HECW2: variants seen among roughly 807,000 people sequenced by gnomAD.
HECW2 encodes the protein E3 ubiquitin-protein ligase HECW2.
HECW2 carries 61 observed loss-of-function variants against 175.2 expected under a neutral mutation model. The observed-to-expected ratio is 0.35, with a 90% CI of 0.28 to 0.43. The LOEUF is 0.43. HECW2 is among the 20% of genes least tolerant of loss of function. HECW2 has a pLI of 1.00. For missense variants in HECW2, 1,524 were observed against 2,000.5 expected (o/e 0.76, Z 4.54); for synonymous variants, 671 against 731.0 (o/e 0.92, Z 1.32).
intron 2 of HECW2, among the ~76,000 whole-genome samples, chr2:196,379,879 C>T (rs1275120565): frequency 7.7e-6 from 1 of 130,580 alleles, no homozygotes. Flanking sequence ...TACTTCTCTG[C>T]ATGTATGCTA....
rs568836065 is a variant in HECW2, at chr2:196,256,242, A to G, written c.3419+1581T>C. 3.5e-4 allele frequency among the ~76,000 whole-genome samples: 54 copies of G among 152,330 alleles called. No homozygotes were observed. In the South Asian group the frequency reaches 3.9e-3, roughly 11 times the overall value. Reference sequence around the variant, plus strand: ...CATGAAAAGCCTAGAATTTAATGACATCATTTGTATACAATAATTATAGAA... The same window carrying G: ...CATGAAAAGCCTAGAATTTAATGACGTCATTTGTATACAATAATTATAGAA... On this transcript the variant is annotated intron_variant, in intron 18 of 28. Transcript: ENST00000644978.
chr2:196,438,814 G>A (rs1695955921), intron 1 of HECW2, among the ~76,000 whole-genome samples: 1 of 152,190 alleles, frequency 6.6e-6, no homozygotes, highest in Non-Finnish European at 1.5e-5. Context: ...TGAGGATGGG[G>A]AGGTTGACAA....
intron 1 of HECW2, among the ~76,000 whole-genome samples, chr2:196,492,660 T>C (rs1687241837): frequency 2.0e-5 from 3 of 152,200 alleles, no homozygotes; most frequent in African/African-American, 7.2e-5. Context: ...ACCATTGTTA[T>C]TACCAAAGTA....
chr2:196,440,750 G>T (rs1452221605), intron 1 of HECW2, among the ~76,000 whole-genome samples: 1 of 152,140 alleles, frequency 6.6e-6, no homozygotes, highest in Non-Finnish European at 1.5e-5. Context: ...AAAGGCGACG[G>T]CAAGGGAAGC....
chr2:196,531,415 TGGGA>T (rs1303492084), intron 1 of HECW2, among the ~76,000 whole-genome samples: 4 of 152,170 alleles, frequency 2.6e-5, no homozygotes, highest in Non-Finnish European at 4.4e-5. Flanking sequence ...CCCAACACTT[TGGGA>T]GGCTGAAGTG....
intron 1 of HECW2, among the ~76,000 whole-genome samples, chr2:196,438,826 T>C (rs1695956314): frequency 2.6e-5 from 4 of 152,190 alleles, no homozygotes; most frequent in Admixed American, 2.6e-4. Flanking sequence ...GGTTGACAAG[T>C]ATCAGAAACT....
At chr2:196,471,008 T>C (rs1226217266) in intron 1 of HECW2, among the ~76,000 whole-genome samples, 8 of 147,398 alleles carry the variant, frequency 5.4e-5, no homozygotes, top group Non-Finnish European at 7.4e-5. Context: ...ATCCACCAAA[T>C]TGGCAAAAAA....
intron 1 of HECW2, among the ~76,000 whole-genome samples, chr2:196,531,114 T>C (rs1226867315): frequency 6.6e-6 from 1 of 152,200 alleles, no homozygotes; most frequent in Non-Finnish European, 1.5e-5. Context: ...CGCACTGTGG[T>C]TCATTAATTA....
intron 2 of HECW2, among the ~76,000 whole-genome samples, chr2:196,372,628 T>C (rs553376283): frequency 7.0e-4 from 106 of 152,286 alleles, no homozygotes; most frequent in Middle Eastern, 3.4e-3. Context: ...AGAATAAAAA[T>C]GAGGATTTTT....
Position 196,216,245 on chromosome 2 carries a change from G to T in HECW2, c.4495-268C>A, listed in dbSNP as rs984618144. 2.6e-5 allele frequency among the ~76,000 whole-genome samples: 4 copies of T among 152,344 alleles called. No homozygotes were observed. In the East Asian group the frequency reaches 7.7e-4, roughly 29 times the overall value. On this transcript the variant is annotated intron_variant, in intron 27 of 28. Coordinates refer to ENST00000644978, the MANE Select transcript of HECW2 (RefSeq NM_001348768.2). Reference sequence around the variant, plus strand: ...GCACCTGATGCAGCTGACCAGCTCAGAAGCTTAAACCGGGCACATTTCCCA... The same window carrying T: ...GCACCTGATGCAGCTGACCAGCTCATAAGCTTAAACCGGGCACATTTCCCA...
chr2:196,253,550 A>G (rs1688936716), intron 19 of HECW2, among the ~76,000 whole-genome samples: 1 of 152,224 alleles, frequency 6.6e-6, no homozygotes, highest in African/African-American at 2.4e-5. Context: ...TTTCAATTCC[A>G]TATTATTTCT....
In HECW2 at chr2:196,307,135, C is replaced by T. The variant is rs1691296103; in HGVS notation, c.2684G>A (p.Ser895Asn). 1 of 1,609,306 alleles carries T rather than the reference C, an allele frequency of 6.2e-7. No homozygotes were observed. Among genetic ancestry groups the T allele is most frequent in the Admixed American group, 1.7e-5 (1 of 60,000 alleles). ...ACAAAGCCCAAAGCTCTTACCTGCA[C>T]TGGCTTGGTGAAAGTCAGCTTCCTC... ...AGEEADFHQASADFRRENILP... is the reference protein window; with the variant it reads ...AGEEADFHQANADFRRENILP... Residue 895 changes from serine to asparagine, a missense_variant, in exon 12 of 29, where the codon AGT becomes AAT. Transcript: ENST00000644978.
intron 1 of HECW2, among the ~76,000 whole-genome samples, chr2:196,535,050 C>CAA (rs34284545): frequency 1.5e-5 from 2 of 134,280 alleles, no homozygotes; most frequent in Admixed American, 7.5e-5. Context: ...GTCAATATAA[C>CAA]AAAAAAAAAA....
chr2:196,469,110 TGTGTGTGTGC>T (rs991217405), intron 1 of HECW2, among the ~76,000 whole-genome samples: 31 of 111,746 alleles, frequency 2.8e-4, no homozygotes, highest in African/African-American at 8.7e-4. Context: ...CCTGTGTGTG[TGTGTGTGTGC>T]GTGTGTGTGT....
At chr2:196,538,090 CGAA>C (rs1488001315) in intron 1 of HECW2, among the ~76,000 whole-genome samples, 1 of 152,210 alleles carries the variant, frequency 6.6e-6, no homozygotes, top group Non-Finnish European at 1.5e-5. Flanking sequence ...AACAGAAAGA[CGAA>C]GGAGTCCGAC....
At chr2:196,340,552 C>T (rs1177326695) in intron 3 of HECW2, among the ~76,000 whole-genome samples, 1 of 138,472 alleles carries the variant, frequency 7.2e-6, no homozygotes. Context: ...GCCAAGAACA[C>T]GCCACTGCAG....
intron 1 of HECW2, among the ~76,000 whole-genome samples, chr2:196,591,064 A>G (rs561364220): frequency 7.4e-4 from 112 of 152,356 alleles, no homozygotes; most frequent in African/African-American, 2.4e-3. Context: ...ATAATCCACA[A>G]CAGTGGTAGG....
chr2:196,563,142 G>T (rs1690063141), intron 1 of HECW2, among the ~76,000 whole-genome samples: 1 of 152,152 alleles, frequency 6.6e-6, no homozygotes, highest in Non-Finnish European at 1.5e-5. Context: ...AGTTATCACT[G>T]AAACTATAAG....
At chr2:196,482,689 G>A (rs943992673) in intron 1 of HECW2, among the ~76,000 whole-genome samples, 12 of 152,204 alleles carry the variant, frequency 7.9e-5, no homozygotes, top group Admixed American at 2.6e-4. Context: ...TGGGAGGCAA[G>A]GAGGTGACAG....
Sources: allele counts gnomAD v4.1 joint callset (sites outside exome capture counted in the v4.1 genomes callset), GRCh38; gene constraint gnomAD v4.1.1; transcripts MANE v1.5; gene names NCBI Gene and HGNC (gene_info 2026-07-23, HGNC 2026-07-21).